Variants in CDK14 observed in about 807,000 individuals in gnomAD.
CDK14 encodes the protein cyclin dependent kinase 14.
In CDK14, 34 loss-of-function variants were observed where a neutral mutation model predicts 60.7. The observed-to-expected ratio is 0.56, with a 90% CI of 0.43 to 0.75. The LOEUF is 0.75. CDK14 is among the 30% of genes least tolerant of loss of function. The pLI, the probability that CDK14 is intolerant of heterozygous loss-of-function variation, is 0.00. For missense variants in CDK14, 482 were observed against 564.1 expected (o/e 0.85, Z 1.47); for synonymous variants, 197 against 203.7 (o/e 0.97, Z 0.28).
At chr7:90,632,895 C>T (rs997283754) in intron 2 of CDK14, among the ~76,000 whole-genome samples, 5 of 152,048 alleles carry the variant, frequency 3.3e-5, no homozygotes, top group African/African-American at 1.2e-4. Flanking sequence ...TCGAGACCAG[C>T]CTGGCCAACA....
intron 2 of CDK14, among the ~76,000 whole-genome samples, chr7:90,669,749 C>G (rs1584782606): frequency 2.0e-5 from 3 of 151,452 alleles, no homozygotes; most frequent in Non-Finnish European, 4.4e-5. Flanking sequence ...TTATACAGAT[C>G]TAGTGGTTGG....
At chr7:90,981,020 C>G (rs929914607) in intron 9 of CDK14, among the ~76,000 whole-genome samples, 1 of 152,116 alleles carries the variant, frequency 6.6e-6, no homozygotes, top group Non-Finnish European at 1.5e-5. Context: ...GCTCTTCACA[C>G]TCAGAACTGC....
chr7:90,606,301 G>T (rs1350747578), intron 2 of CDK14, among the ~76,000 whole-genome samples: 4 of 152,122 alleles, frequency 2.6e-5, no homozygotes, highest in African/African-American at 7.2e-5. Flanking sequence ...CTCTGTTTGG[G>T]CATTTGACTT....
chr7:91,194,867 G>A (rs143660983), intron 14 of CDK14, among the ~76,000 whole-genome samples: 2 of 152,294 alleles, frequency 1.3e-5, no homozygotes, highest in East Asian at 3.9e-4. Flanking sequence ...TAAAACTTCA[G>A]CTCACTTAAC....
intron 2 of CDK14, among the ~76,000 whole-genome samples, chr7:90,703,965 G>C (rs1365863725): frequency 6.6e-6 from 1 of 152,070 alleles, no homozygotes; most frequent in African/African-American, 2.4e-5. Context: ...ATGCACCTGT[G>C]GTTCCAATTA....
At chr7:90,800,593 TC>T (rs1401781036) in intron 5 of CDK14, among the ~76,000 whole-genome samples, 10 of 152,226 alleles carry the variant, frequency 6.6e-5, no homozygotes, top group Non-Finnish European at 1.3e-4. Context: ...ATACCATTTT[TC>T]CTTGTAACTG....
At chr7:90,842,668 A>G (rs1790337388) in intron 5 of CDK14, among the ~76,000 whole-genome samples, 1 of 152,166 alleles carries the variant, frequency 6.6e-6, no homozygotes, top group South Asian at 2.1e-4. Context: ...TTGTTGCAAA[A>G]TGTCAAATGA....
At chr7:91,077,989 T>C (rs572240440) in intron 11 of CDK14, among the ~76,000 whole-genome samples, 1 of 152,316 alleles carries the variant, frequency 6.6e-6, no homozygotes, top group East Asian at 1.9e-4. Context: ...TTTGGCAACA[T>C]GTAAAAAACT....
intron 14 of CDK14, among the ~76,000 whole-genome samples, chr7:91,142,040 G>A (rs951110001): frequency 3.3e-5 from 5 of 151,994 alleles, no homozygotes; most frequent in African/African-American, 9.7e-5. Flanking sequence ...TTAGCAGGAC[G>A]GTCTCAATCT....
intron 10 of CDK14, among the ~76,000 whole-genome samples, chr7:91,013,883 G>A (rs1796233183): frequency 1.3e-5 from 2 of 151,966 alleles, no homozygotes; most frequent in African/African-American, 4.8e-5. Flanking sequence ...CCCTGCATGA[G>A]TCTGTGTGAC....
intron 10 of CDK14, among the ~76,000 whole-genome samples, chr7:91,044,159 A>G (rs1797169256): frequency 6.6e-6 from 1 of 152,214 alleles, no homozygotes; most frequent in African/African-American, 2.4e-5. Context: ...GCTGGGTTTT[A>G]TGCATTTTAG....
intron 5 of CDK14, among the ~76,000 whole-genome samples, chr7:90,807,742 A>G (rs1012495944): frequency 1.1e-4 from 16 of 152,214 alleles, no homozygotes; most frequent in Admixed American, 6.5e-4. Flanking sequence ...ATGGCTCACT[A>G]GCATAACCAG....
intron 10 of CDK14, among the ~76,000 whole-genome samples, chr7:91,014,131 C>T (rs904737729): frequency 7.9e-5 from 12 of 151,858 alleles, no homozygotes; most frequent in African/African-American, 2.9e-4. Flanking sequence ...TATCATAATC[C>T]AGTGCTGATT....
At chr7:90,837,280 CTTTCTTT>C (rs1790136976) in intron 5 of CDK14, among the ~76,000 whole-genome samples, 1 of 150,584 alleles carries the variant, frequency 6.6e-6, no homozygotes, top group Admixed American at 6.6e-5. Context: ...ATATTTCTTT[CTTTCTTT>C]TTTCTTTTTT....
At position 91,071,449 on chromosome 7, in the gene CDK14, C is replaced by A. The variant is rs188776366; in HGVS notation, c.1106-7983C>A. On this transcript the variant is annotated intron_variant, in intron 11 of 14. Coordinates refer to ENST00000380050, the MANE Select transcript of CDK14 (RefSeq NM_001287135.2). The stretch of plus-strand genomic sequence containing the variant: ...GCCACATGGGGCAGGGGACCCCTCA[C>A]CCCCCCAGCCAAGGGAGGCAGTGAG... Among the ~76,000 whole-genome samples the A allele has an allele frequency of 2.6e-5, 4 of 152,154 alleles. No individual in the cohort carries two copies. The East Asian group carries it at 5.8e-4, about 22-fold the overall frequency.
At chr7:91,101,343 TG>T (rs2116314673) in intron 12 of CDK14, among the ~76,000 whole-genome samples, 1 of 152,232 alleles carries the variant, frequency 6.6e-6, no homozygotes, top group South Asian at 2.1e-4. Context: ...AAATAATACA[TG>T]GGAAGGCATT....
chr7:90,718,142 T>C (rs1200246069), intron 2 of CDK14, among the ~76,000 whole-genome samples: 5 of 152,068 alleles, frequency 3.3e-5, no homozygotes, highest in Admixed American at 3.3e-4. Context: ...GGTTGCCAGA[T>C]GCTCTACAAC....
intron 6 of CDK14, among the ~76,000 whole-genome samples, chr7:90,868,417 A>C (rs1241166091): frequency 4.0e-5 from 6 of 151,808 alleles, no homozygotes; most frequent in African/African-American, 1.5e-4. Context: ...CATATGTCCA[A>C]ACTCCTCAGA....
At chr7:90,662,379 T>G (rs1452213234) in intron 2 of CDK14, among the ~76,000 whole-genome samples, 1 of 152,200 alleles carries the variant, frequency 6.6e-6, no homozygotes, top group African/African-American at 2.4e-5. Context: ...GCTCTCTTGC[T>G]CTCTTGATTT....
Sources: gnomAD v4.1 joint callset for allele counts (sites outside exome capture counted in the v4.1 genomes callset) on GRCh38, gnomAD v4.1.1 for gene constraint, MANE v1.5 for transcripts, NCBI Gene and HGNC (gene_info 2026-07-23, HGNC 2026-07-21) for gene names.